The following HNF4G variants were observed in gnomAD, a reference collection of about 807,000 sequenced individuals.
HNF4G encodes the protein hepatocyte nuclear factor 4-gamma.
HNF4G carries 21 observed loss-of-function variants against 50.9 expected under a neutral mutation model. That is an observed-to-expected ratio of 0.41 (90% CI 0.29 to 0.59). HNF4G has a LOEUF of 0.59. HNF4G is among the 20% of genes least tolerant of loss of function. The pLI, the probability that HNF4G is intolerant of heterozygous loss-of-function variation, is 0.26. For synonymous variants in HNF4G, 198 were observed against 185.6 expected (o/e 1.07, Z -0.54); for missense variants, 527 against 559.4 (o/e 0.94, Z 0.58).
At chr8:75,415,498 C>T (rs541559550) in intron 1 of HNF4G, among the ~76,000 whole-genome samples, 1 of 152,056 alleles carries the variant, frequency 6.6e-6, no homozygotes, top group African/African-American at 2.4e-5. Context: ...TAAAGAGTAG[C>T]CTGAATATAA....
intron 4 of HNF4G, among the ~76,000 whole-genome samples, chr8:75,552,407 G>T (rs1806984904): frequency 6.6e-6 from 1 of 152,064 alleles, no homozygotes; most frequent in Non-Finnish European, 1.5e-5. Context: ...TCTTTCAGCA[G>T]AAAAGCTTTA....
intron 2 of HNF4G, among the ~76,000 whole-genome samples, chr8:75,528,334 AGTTACATTC>A (rs956470696): frequency 2.0e-5 from 3 of 152,210 alleles, no homozygotes; most frequent in Admixed American, 6.5e-5. Flanking sequence ...ATGAGTGGTT[AGTTACATTC>A]AGGCCTTGCT....
chr8:75,465,361 A>G (rs1463190235), intron 1 of HNF4G, among the ~76,000 whole-genome samples: 1 of 152,218 alleles, frequency 6.6e-6, no homozygotes, highest in Non-Finnish European at 1.5e-5. Flanking sequence ...CATGATTTTT[A>G]GTGAATATTA....
chr8:75,539,240 A>G (rs1047790701), upstream of HNF4G, among the ~76,000 whole-genome samples: 20 of 152,198 alleles, frequency 1.3e-4, no homozygotes, highest in Non-Finnish European at 2.4e-4. Context: ...AATGCCTCCC[A>G]TGTACTAGCA....
At chr8:75,435,884 A>G (rs935050046) in intron 1 of HNF4G, among the ~76,000 whole-genome samples, 1 of 152,134 alleles carries the variant, frequency 6.6e-6, no homozygotes, top group Non-Finnish European at 1.5e-5. Context: ...GTGAGCCACC[A>G]CACCCAGCCA....
At chr8:75,547,863 T>G (rs1448468899) in intron 3 of HNF4G, among the ~76,000 whole-genome samples, 182 bp downstream of exon 3, 1 of 152,178 alleles carries the variant, frequency 6.6e-6, no homozygotes, top group Non-Finnish European at 1.5e-5. Flanking sequence ...TTGAGTGGTA[T>G]AGCCAGTATT....
chr8:75,442,896 GA>G (rs111732410), intron 1 of HNF4G, among the ~76,000 whole-genome samples: 4 of 148,694 alleles, frequency 2.7e-5, no homozygotes, highest in African/African-American at 9.7e-5. Flanking sequence ...ACCATGACTG[GA>G]AAGCATGACA....
intron 2 of HNF4G, among the ~76,000 whole-genome samples, chr8:75,518,163 G>A (rs1326504946): frequency 4.1e-5 from 4 of 97,792 alleles, no homozygotes; most frequent in Non-Finnish European, 5.7e-5. Flanking sequence ...AACAGTCCCC[G>A]GTGTGTGATG....
intron 9 of HNF4G, among the ~76,000 whole-genome samples, chr8:75,561,047 T>C (rs1346901832): frequency 6.6e-6 from 1 of 151,866 alleles, no homozygotes; most frequent in African/African-American, 2.4e-5. Flanking sequence ...TTCTGAAACT[T>C]ACATTAGGAA....
At chr8:75,506,196 G>A (rs1813075150) in intron 2 of HNF4G, among the ~76,000 whole-genome samples, 1 of 151,888 alleles carries the variant, frequency 6.6e-6, no homozygotes, top group African/African-American at 2.4e-5. Flanking sequence ...CTAAATAATT[G>A]TAAGCCTGAA....
intron 8 of HNF4G, among the ~76,000 whole-genome samples, chr8:75,559,274 T>G (rs369282850): frequency 7.0e-4 from 16 of 22,748 alleles, no homozygotes; most frequent in African/African-American, 2.2e-3. Context: ...GTTTTTTTTG[T>G]TTGTTTTTTT....
chr8:75,422,020 G>C (rs1810786403), intron 1 of HNF4G, among the ~76,000 whole-genome samples: 1 of 152,086 alleles, frequency 6.6e-6, no homozygotes, highest in Non-Finnish European at 1.5e-5. Context: ...TCTACTTTGA[G>C]AAAACAGTAG....
At chr8:75,501,367 G>A (rs1229705753) in intron 2 of HNF4G, among the ~76,000 whole-genome samples, 1 of 152,150 alleles carries the variant, frequency 6.6e-6, no homozygotes. Flanking sequence ...GCTCAGCCCA[G>A]GAGTCTAAGG....
intron 2 of HNF4G, among the ~76,000 whole-genome samples, chr8:75,530,794 C>CATT (rs1554578279): frequency 1.2e-4 from 16 of 132,166 alleles, no homozygotes; most frequent in African/African-American, 4.0e-4. Flanking sequence ...GTTCAATGTG[C>CATT]TTTTTTTTTT....
At chr8:75,542,218 T>C (rs915525291) in intron 1 of HNF4G, among the ~76,000 whole-genome samples, 2 of 151,928 alleles carry the variant, frequency 1.3e-5, no homozygotes, top group Admixed American at 1.3e-4. Flanking sequence ...GGTGGGAGGA[T>C]TGCTTGAGCT....
intron 2 of HNF4G, among the ~76,000 whole-genome samples, chr8:75,530,233 A>G (rs1806292788): frequency 6.6e-6 from 1 of 152,154 alleles, no homozygotes; most frequent in South Asian, 2.1e-4. Flanking sequence ...CTTGATCCTC[A>G]GGGCACCAGA....
chr8:75,531,300 G>T (rs902972403), intron 2 of HNF4G, among the ~76,000 whole-genome samples: 4 of 151,960 alleles, frequency 2.6e-5, no homozygotes, highest in Non-Finnish European at 5.9e-5. Context: ...TTCCATGAAG[G>T]ATTATGAAAA....
intron 3 of HNF4G, 109 bp downstream of exon 3, chr8:75,547,790 A>G (rs1334571858): frequency 1.5e-5 from 11 of 714,390 alleles, no homozygotes; most frequent in African/African-American, 3.5e-5. Context: ...ATTTTCCTCA[A>G]TATAATAAGG....
At chr8:75,494,314 A>G (rs1251225430) in intron 2 of HNF4G, among the ~76,000 whole-genome samples, 1 of 116,688 alleles carries the variant, frequency 8.6e-6, no homozygotes, top group Non-Finnish European at 1.7e-5. Context: ...ACACACACAC[A>G]CACACACACA....
Sources: gnomAD v4.1 joint callset for allele counts (sites outside exome capture counted in the v4.1 genomes callset) on GRCh38, gnomAD v4.1.1 for gene constraint, MANE v1.5 for transcripts, NCBI Gene and HGNC (gene_info 2026-07-23, HGNC 2026-07-21) for gene names.